The following TXK variants were observed in gnomAD, a reference collection of about 807,000 sequenced individuals.
TXK encodes TXK tyrosine kinase, also known as tyrosine-protein kinase TXK.
Under a neutral mutation model 81.0 loss-of-function variants are expected in TXK, and 60 were observed. The observed-to-expected ratio is 0.74, with a 90% confidence interval of 0.60 to 0.92. TXK has a LOEUF of 0.92. TXK is among the 40% of genes least tolerant of loss of function. The pLI is 0.00. For synonymous variants in TXK, 203 were observed against 210.7 expected (o/e 0.96, Z 0.32); for missense variants, 581 against 638.3 (o/e 0.91, Z 0.97).
At chr4:48,092,768 C>T (rs1049488436) in intron 8 of TXK, among the ~76,000 whole-genome samples, 2 of 152,146 alleles carry the variant, frequency 1.3e-5, no homozygotes, top group Non-Finnish European at 2.9e-5. Flanking sequence ...CACAGGCATG[C>T]CCTCACTACT....
chr4:48,123,249 A>G lies in TXK; in HGVS notation c.17-8847T>C, dbSNP rs930007060. ...TCTGTGATTTGATAGTTAGGTACCC[A>G]TTCTATGATTGATAGCTTTCTACAT... is the stretch of plus-strand genomic sequence containing the variant. On this transcript the variant is annotated intron_variant, in intron 1 of 14. Coordinates refer to ENST00000264316, the MANE Select transcript of TXK (RefSeq NM_003328.3). 2.6e-5 allele frequency among the ~76,000 whole-genome samples: 4 copies of G among 152,208 alleles called. No homozygotes were observed. In the East Asian group the frequency reaches 7.7e-4, roughly 29 times the overall value.
intron 10 of TXK, among the ~76,000 whole-genome samples, chr4:48,086,238 C>A (rs1386557580): frequency 6.6e-6 from 1 of 152,188 alleles, no homozygotes; most frequent in Non-Finnish European, 1.5e-5. Context: ...ACACATTGAT[C>A]CAGTGAGGTA....
At chr4:48,104,827 CTT>C (rs940100342) in intron 6 of TXK, 72 bp downstream of exon 6, 2 of 1,147,378 alleles carry the variant, frequency 1.7e-6, no homozygotes, top group Non-Finnish European at 2.5e-6. Context: ...AAATAATATA[CTT>C]TTTTAGTTGG....
At chr4:48,093,992 T>G in intron 8 of TXK, 85 bp downstream of exon 8, 2 of 1,534,704 alleles carry the variant, frequency 1.3e-6, no homozygotes, top group Non-Finnish European at 1.8e-6. Flanking sequence ...GGAGATTTGC[T>G]CCTGTTGAGT....
chr4:48,131,647 T>C (rs886092541), intron 1 of TXK, among the ~76,000 whole-genome samples: 11 of 152,160 alleles, frequency 7.2e-5, no homozygotes, highest in Non-Finnish European at 1.6e-4. Flanking sequence ...TTTCATCAAA[T>C]CCATGCCAGA....
intron 1 of TXK, among the ~76,000 whole-genome samples, chr4:48,119,066 G>C (rs866963724): frequency 3.9e-5 from 6 of 152,180 alleles, no homozygotes; most frequent in Admixed American, 6.5e-5. Flanking sequence ...GGAGATGAAT[G>C]ATCTGCTGTT....
intron 10 of TXK, among the ~76,000 whole-genome samples, chr4:48,080,672 A>T (rs867993517): frequency 5.8e-4 from 87 of 149,650 alleles, no homozygotes; most frequent in Admixed American, 2.1e-3. Context: ...TCACACACAC[A>T]CACACACACA....
intron 1 of TXK, among the ~76,000 whole-genome samples, chr4:48,129,912 C>A (rs1719203794): frequency 6.6e-6 from 1 of 152,192 alleles, no homozygotes; most frequent in African/African-American, 2.4e-5. Flanking sequence ...AGTGCTTGGC[C>A]ACAAGGCACA....
intron 2 of TXK, among the ~76,000 whole-genome samples, chr4:48,114,071 A>G (rs1718725844): frequency 6.6e-6 from 1 of 152,212 alleles, no homozygotes; most frequent in South Asian, 2.1e-4. Flanking sequence ...CAGACCTATA[A>G]ACAACATACA....
At chr4:48,083,303 GCA>G (rs2109414399) in intron 10 of TXK, among the ~76,000 whole-genome samples, 1 of 152,358 alleles carries the variant, frequency 6.6e-6, no homozygotes, top group African/African-American at 2.4e-5. Context: ...CACCTCTGTT[GCA>G]TGTCCTGCAA....
chr4:48,094,285 C>T, intron 7 of TXK, 81 bp from the exon 8 acceptor site: 1 of 1,512,738 alleles, frequency 6.6e-7, no homozygotes, highest in Non-Finnish European at 9.0e-7. Context: ...AACAGGACTC[C>T]AGTTCTAAAA....
At chr4:48,072,533 T>G (rs1716905156) in intron 13 of TXK, among the ~76,000 whole-genome samples, 1 of 152,218 alleles carries the variant, frequency 6.6e-6, no homozygotes, top group Non-Finnish European at 1.5e-5. Flanking sequence ...TGTCCAATAA[T>G]CATTGATTGA....
intron 5 of TXK, 34 bp downstream of exon 5, chr4:48,110,504 G>T: frequency 6.5e-7 from 1 of 1,536,160 alleles, no homozygotes. Flanking sequence ...AAATGTCCCT[G>T]ATTTTCATAG....
At position 48,113,201 on chromosome 4, in the gene TXK, A is replaced by G. The variant is rs1308926511; in HGVS notation, c.174+6T>C. The G allele has an allele frequency of 6.2e-7, 1 of 1,608,126 alleles. No homozygotes were observed. The highest frequency in any genetic ancestry group is 1.3e-5 in the African/African-American group (1 of 74,704). ...TTCCCCTCTTGCCTGTCAAAATGAT[A>G]CTTACTTGCTTCTTATTTGACAATT... On this transcript the variant is annotated splice_donor_region_variant and intron_variant, in intron 3 of 14. Transcript: ENST00000264316.
At chr4:48,083,377 C>G (rs907781645) in intron 10 of TXK, among the ~76,000 whole-genome samples, 2 of 152,228 alleles carry the variant, frequency 1.3e-5, no homozygotes, top group African/African-American at 4.8e-5. Context: ...CAGACCAAAC[C>G]AATGTACACC....
intron 10 of TXK, among the ~76,000 whole-genome samples, 164 bp downstream of exon 10, chr4:48,086,302 T>C (rs1056649170): frequency 2.0e-5 from 3 of 152,190 alleles, no homozygotes; most frequent in East Asian, 1.9e-4. Context: ...AAAGGTGAAA[T>C]AATTCACCCA....
At chr4:48,076,223 TA>T (rs1717062955) in intron 12 of TXK, among the ~76,000 whole-genome samples, 178 bp downstream of exon 12, 1 of 152,202 alleles carries the variant, frequency 6.6e-6, no homozygotes, top group Admixed American at 6.5e-5. Flanking sequence ...ACCTCACAGC[TA>T]AAATTGGTAC....
At chr4:48,110,940 T>G (rs1426618701) in intron 4 of TXK, among the ~76,000 whole-genome samples, 3 of 152,246 alleles carry the variant, frequency 2.0e-5, no homozygotes, top group Non-Finnish European at 4.4e-5. Context: ...GACTTCATTC[T>G]TTTCAATTGC....
intron 14 of TXK, among the ~76,000 whole-genome samples, chr4:48,069,908 C>T (rs944416948): frequency 6.6e-6 from 1 of 152,202 alleles, no homozygotes; most frequent in African/African-American, 2.4e-5. Flanking sequence ...TATTACTACT[C>T]ACTGAACATT....
Sources: gnomAD v4.1 joint callset for allele counts (sites outside exome capture counted in the v4.1 genomes callset) on GRCh38, gnomAD v4.1.1 for gene constraint, MANE v1.5 for transcripts, NCBI Gene and HGNC (gene_info 2026-07-23, HGNC 2026-07-21) for gene names.